Variants in PGLYRP2 observed in about 807,000 individuals in gnomAD.
PGLYRP2 encodes peptidoglycan recognition protein 2.
Under a neutral mutation model 46.2 loss-of-function variants are expected in PGLYRP2, and 38 were observed. That is an observed-to-expected ratio of 0.82 (90% CI 0.64 to 1.08). PGLYRP2 has a LOEUF of 1.08. Ranked by LOEUF, PGLYRP2 falls within the 50% of genes least tolerant of loss-of-function variation. The pLI, the probability that PGLYRP2 is intolerant of heterozygous loss-of-function variation, is 0.00. For missense variants in PGLYRP2, 713 were observed against 755.9 expected, an observed-to-expected ratio of 0.94 and a Z score of 0.67; for synonymous variants, 289 against 329.4, an observed-to-expected ratio of 0.88 and a Z score of 1.33.
chr19:15,470,239 T>TTTTC (rs1970732467), intron 3 of PGLYRP2, among the ~76,000 whole-genome samples: 1 of 130,556 alleles, frequency 7.7e-6, no homozygotes, highest in Non-Finnish European at 1.7e-5. Flanking sequence ...GGGTTTTTTT[T>TTTTC]CTTTCCTTCC....
In PGLYRP2 at chr19:15,469,796, C is replaced by T; in HGVS notation, c.1477G>A (p.Glu493Lys). ...VGNYTAALPT[E>K]AALRTVRDTL... Reference sequence around the variant, plus strand: ...TCGCGCACCGTGCGCAGAGCGGCCTCGGTGGGCAGCGCCGCGGTGTAGTTG... The same window carrying T: ...TCGCGCACCGTGCGCAGAGCGGCCTTGGTGGGCAGCGCCGCGGTGTAGTTG... The change falls in exon 4 of 5, where the codon GAG becomes AAG. Residue 493 changes from glutamate (E) to lysine (K), a missense_variant. Glu to Lys is a moderately conservative substitution (Grantham distance 56). Transcript: ENST00000340880. The surrounding 1 kb of genome is among the most constrained non-coding windows in gnomAD (Gnocchi z 4.9). 6.6e-7 allele frequency: 1 copy of T among 1,513,340 alleles called. No homozygotes were observed. The highest frequency in any genetic ancestry group is 8.8e-7 in the Non-Finnish European group (1 of 1,139,662). The allele number at this position is 1,513,340 out of a possible 1,614,324, so 93.7% of individuals were successfully genotyped here. A position where few individuals can be genotyped will look rare whatever the true frequency, so the allele number is the denominator to read the frequency against.
At position 15,469,935 on chromosome 19, in the gene PGLYRP2, G is replaced by C; in HGVS notation, c.1344-6C>G. ...CGTCCGAGCCCACCACGAAACTGCA[G>C]AGGGGAGGGAGAAGCAAGCACCATG... On this transcript the variant is annotated splice_polypyrimidine_tract_variant and splice_region_variant and intron_variant, in intron 3 of 4. Transcript: ENST00000340880. The surrounding 1 kb of genome is among the most constrained non-coding windows in gnomAD (Gnocchi z 4.9). The C allele has an allele frequency of 7.1e-7, 1 of 1,415,870 alleles. No individual in the cohort carries two copies. Among genetic ancestry groups the C allele is most frequent in the Non-Finnish European group, 9.2e-7 (1 of 1,089,244 alleles). 87.7% of individuals were successfully genotyped at this position (1,415,870 alleles called of 1,614,324 possible). A position where few individuals can be genotyped will look rare whatever the true frequency, so the allele number is the denominator to read the frequency against.
At chr19:15,471,752 G>T (rs1287197929) in intron 3 of PGLYRP2, 138 bp downstream of exon 3, 3 of 970,198 alleles carry the variant, frequency 3.1e-6, no homozygotes, top group Middle Eastern at 3.3e-4. Context: ...CTCCAACTTT[G>T]CTCTACCTAT....
Position 15,469,693 on chromosome 19 carries a change from C to A in PGLYRP2, c.1580G>T (p.Arg527Leu), listed in dbSNP as rs1346420654. 8 of 1,527,150 alleles carry A rather than the reference C, an allele frequency of 5.2e-6. No homozygotes were observed. The highest frequency in any genetic ancestry group is 1.3e-5 in the South Asian group (1 of 79,576). 94.6% of individuals were successfully genotyped at this position (1,527,150 alleles called of 1,614,324 possible). A position where few individuals can be genotyped will look rare whatever the true frequency, so the allele number is the denominator to read the frequency against. ...GAGCGCGTCGCCGGGGCAGTCGGTGCGCACCAGCTGGCGGTGGCCCAGCAG... is the reference window on the plus strand; with the variant it reads ...GAGCGCGTCGCCGGGGCAGTCGGTGAGCACCAGCTGGCGGTGGCCCAGCAG... ...YALLGHRQLVRTDCPGDALFD... is the reference protein window; with the variant it reads ...YALLGHRQLVLTDCPGDALFD... Residue 527 changes from arginine (R) to leucine (L), a missense_variant, in exon 4 of 5, where the codon CGC becomes CTC. Transcript: ENST00000340880. This position sits in a 1 kb window ranked among gnomAD's most constrained non-coding sequence, Gnocchi z 4.9.
rs375779148 is a variant in PGLYRP2 at position 15,469,409 on chromosome 19, G to A, written c.1641+223C>T. Reference sequence around the variant, plus strand: ...GGACAGGCTGGCTGGGTCTGGGGCTGAGCTGAGGCTGCATAGGCAGAAGTC... The same window carrying A: ...GGACAGGCTGGCTGGGTCTGGGGCTAAGCTGAGGCTGCATAGGCAGAAGTC... On this transcript the variant is annotated intron_variant, in intron 4 of 4. Transcript: ENST00000340880. This position sits in a 1 kb window ranked among gnomAD's most constrained non-coding sequence, Gnocchi z 4.9. 5.5e-4 allele frequency: 405 copies of A among 739,818 alleles called. 2 individuals carry two copies. The highest frequency in any genetic ancestry group is 1.5e-3 in the East Asian group (56 of 37,408). The allele number at this position is 739,818 out of a possible 1,614,324, so 45.8% of individuals were successfully genotyped here.
At chr19:15,475,506 G>T in intron 2 of PGLYRP2, 32 bp downstream of exon 2, 1 of 1,540,488 alleles carries the variant, frequency 6.5e-7, no homozygotes, top group Non-Finnish European at 8.8e-7. Context: ...TCTGTAATGG[G>T]AAGGATCACA....
At chr19:15,479,209 G>A in intron 1 of PGLYRP2, 102 bp downstream of exon 1, 1 of 1,226,224 alleles carries the variant, frequency 8.2e-7, no homozygotes, top group Non-Finnish European at 1.2e-6. Flanking sequence ...GAGAGCTTGA[G>A]TCTCCAGCCT....
chr19:15,469,971 G>A lies in PGLYRP2; in HGVS notation c.1344-42C>T. 2.2e-6 allele frequency: 3 copies of A among 1,379,528 alleles called. No individual in the cohort carries two copies. Among genetic ancestry groups the A allele is most frequent in the Non-Finnish European group, 2.8e-6 (3 of 1,070,250 alleles). The allele number at this position is 1,379,528 out of a possible 1,614,324, so 85.5% of individuals were successfully genotyped here. A position where few individuals can be genotyped will look rare whatever the true frequency, so the allele number is the denominator to read the frequency against. Reference sequence around the variant, plus strand: ...GAAGCAAGCACCATGCGGCGTGAGGGGGACCCGGGCCCTTATCCGCTCCCC... The same window carrying A: ...GAAGCAAGCACCATGCGGCGTGAGGAGGACCCGGGCCCTTATCCGCTCCCC... On this transcript the variant is annotated intron_variant, in intron 3 of 4. Coordinates refer to ENST00000340880, the MANE Select transcript of PGLYRP2 (RefSeq NM_052890.4). The surrounding 1 kb of genome is among the most constrained non-coding windows in gnomAD (Gnocchi z 4.9).
At chr19:15,473,640 G>A (rs1035281452) in intron 2 of PGLYRP2, among the ~76,000 whole-genome samples, 11 of 151,652 alleles carry the variant, frequency 7.3e-5, no homozygotes, top group African/African-American at 2.7e-4. Flanking sequence ...AAAGCACAGA[G>A]CAAAAGAAAC....
rs1401958896 is a variant in PGLYRP2, at chr19:15,476,511, C to T, written c.159G>A (p.Trp53Ter). 1 of 1,614,138 alleles carries T rather than the reference C, an allele frequency of 6.2e-7. No individual in the cohort carries two copies. The highest frequency in any genetic ancestry group is 8.5e-7 in the Non-Finnish European group (1 of 1,180,006). Residue 53 changes from tryptophan to a stop codon, truncating the protein, a stop_gained, in exon 2 of 5, where the codon TGG becomes TGA. Coordinates refer to ENST00000340880, the MANE Select transcript of PGLYRP2 (RefSeq NM_052890.4). LOFTEE classifies it high-confidence loss of function. ...AAKTRHTASAWLMSAPNSGPH... is the reference protein window; with the variant it reads ...AAKTRHTASA ...GGCCAGAGTTTGGAGCTGACATCAG[C>T]CACGCAGAAGCTGTGTGTCTGGTCT...
chr19:15,479,312 T>A lies in PGLYRP2; in HGVS notation c.60A>T (p.Thr20=). The change falls in exon 1 of 5, where the codon ACA becomes ACT. Residue 20 remains threonine (T), a splice_region_variant and synonymous_variant. Transcript: ENST00000340880. The part of the protein sequence containing the change: ...LGLLLWSDPG[T]ASLPLLMDSV... ...CCAGGACTCTGCCCCCTGACTCACCTGTCCCTGGGTCTGACCACAGTAGCA... is the reference window on the plus strand; with the variant it reads ...CCAGGACTCTGCCCCCTGACTCACCAGTCCCTGGGTCTGACCACAGTAGCA... 1 of 1,614,052 alleles carries A rather than the reference T, an allele frequency of 6.2e-7. No individual in the cohort carries two copies. The highest frequency in any genetic ancestry group is 8.5e-7 in the Non-Finnish European group (1 of 1,179,954).
At chr19:15,478,438 C>T (rs1183955392) in intron 1 of PGLYRP2, among the ~76,000 whole-genome samples, 2 of 152,178 alleles carry the variant, frequency 1.3e-5, no homozygotes, top group Non-Finnish European at 2.9e-5. Context: ...GACTTCCTAG[C>T]CTGCAGAACT....
rs1568342415 is a variant in PGLYRP2 at position 15,476,482 on chromosome 19, T to C, written c.188A>G (p.His63Arg). 6.2e-7 allele frequency: 1 copy of C among 1,614,146 alleles called. No homozygotes were observed. ...CAGCAGGAAGTGGTAGAGGCGATTG[T>C]GGGGGCCAGAGTTTGGAGCTGACAT... is the stretch of plus-strand genomic sequence containing the variant. ...WLMSAPNSGP[H>R]NRLYHFLLGA... The change falls in exon 2 of 5, where the codon CAC (histidine) becomes CGC (arginine). Residue 63 changes from histidine to arginine, a missense_variant. Coordinates refer to ENST00000340880, the MANE Select transcript of PGLYRP2 (RefSeq NM_052890.4).
intron 1 of PGLYRP2, among the ~76,000 whole-genome samples, chr19:15,478,241 G>C (rs796561232): frequency 6.6e-6 from 1 of 152,172 alleles, no homozygotes; most frequent in Non-Finnish European, 1.5e-5. Context: ...CAGCTACTTG[G>C]GGGGCTGAGG....
At chr19:15,472,231 A>G (rs1970757468) in intron 2 of PGLYRP2, 131 bp from the exon 3 acceptor site, 2 of 704,512 alleles carry the variant, frequency 2.8e-6, no homozygotes, top group Non-Finnish European at 4.7e-6. Flanking sequence ...GTCTCACCCC[A>G]CATTGGTCCT....
intron 2 of PGLYRP2, among the ~76,000 whole-genome samples, chr19:15,472,859 T>C (rs1970762531): frequency 1.3e-5 from 2 of 152,144 alleles, no homozygotes; most frequent in African/African-American, 2.4e-5. Context: ...GAACCAAAAA[T>C]GAGCCCAAAT....
At position 15,476,207 on chromosome 19, in the gene PGLYRP2, A is replaced by G; in HGVS notation, c.463T>C (p.Phe155Leu). ...MAAPWETGDT[F>L]PDVVAIAPDV... ...GGAGCAATGGCCACAACATCTGGAA[A>G]GGTATCTCCAGTCTCCCAAGGGGCA... Residue 155 changes from phenylalanine to leucine, a missense_variant, in exon 2 of 5, where the codon TTT becomes CTT. Transcript: ENST00000340880. The G allele has an allele frequency of 1.2e-6, 2 of 1,614,154 alleles. No homozygotes were observed. Among genetic ancestry groups the G allele is most frequent in the South Asian group, 2.2e-5 (2 of 91,080 alleles).
At chr19:15,475,423 A>C in intron 2 of PGLYRP2, 115 bp downstream of exon 2, 1 of 1,017,826 alleles carries the variant, frequency 9.8e-7, no homozygotes, top group Non-Finnish European at 1.5e-6. Context: ...ACCCCCGACC[A>C]GATCCCTTAT....
intron 2 of PGLYRP2, among the ~76,000 whole-genome samples, chr19:15,473,396 G>A (rs762876629): frequency 1.5e-5 from 2 of 136,190 alleles, no homozygotes; most frequent in East Asian, 2.3e-4. Context: ...CTTGAACCCA[G>A]GAGGCAGAGG....
Sources: gnomAD v4.1 joint callset for allele counts (sites outside exome capture counted in the v4.1 genomes callset) on GRCh38, gnomAD v4.1.1 for gene constraint, Gnocchi (gnomAD v3.1) non-coding constraint, MANE v1.5 for transcripts, NCBI Gene and HGNC (gene_info 2026-07-23, HGNC 2026-07-21) for gene names.